Variants in FSTL5 observed in about 807,000 individuals in gnomAD.
The protein encoded by FSTL5 is follistatin-related protein 5.
FSTL5 carries 62 observed loss-of-function variants against 89.1 expected under a neutral mutation model. That is an observed-to-expected ratio of 0.70 (90% confidence interval 0.57 to 0.86). The LOEUF (loss-of-function observed/expected upper bound fraction) is 0.86, where lower values mean the gene tolerates loss of function less well. FSTL5 is among the 40% of genes least tolerant of loss of function. The probability of loss-of-function intolerance (pLI) is 0.00; values close to 1 mark genes in which losing one functional copy is unlikely to be tolerated. For missense variants in FSTL5, 1,057 were observed against 1,001.6 expected, an observed-to-expected ratio of 1.06 and a Z score of -0.75; for synonymous variants, 383 against 346.2, an observed-to-expected ratio of 1.11 and a Z score of -1.18.
chr4:162,116,525 G>C (rs1489872474), intron 1 of FSTL5, among the ~76,000 whole-genome samples: 1 of 152,130 alleles, frequency 6.6e-6, no homozygotes, highest in African/African-American at 2.4e-5. Flanking sequence ...ACTCCCACCC[G>C]CAGGCAGGAA....
intron 3 of FSTL5, among the ~76,000 whole-genome samples, chr4:161,925,914 A>T (rs1300316713): frequency 6.6e-6 from 1 of 151,972 alleles, no homozygotes; most frequent in Non-Finnish European, 1.5e-5. Context: ...GCAAAAAGTA[A>T]AAAAGGAAGA....
At chr4:161,882,333 T>C (rs2126912009) in intron 4 of FSTL5, among the ~76,000 whole-genome samples, 1 of 152,232 alleles carries the variant, frequency 6.6e-6, no homozygotes, top group Non-Finnish European at 1.5e-5. Flanking sequence ...AAATCATTGC[T>C]GACCTACTAC....
chr4:162,082,219 A>G (rs1730128896), intron 2 of FSTL5, among the ~76,000 whole-genome samples: 1 of 150,528 alleles, frequency 6.6e-6, no homozygotes, highest in South Asian at 2.1e-4. Context: ...TTCCACTTTC[A>G]TTTGGTTTGA....
chr4:161,404,520 C>T (rs1460542768), intron 15 of FSTL5, among the ~76,000 whole-genome samples: 1 of 152,116 alleles, frequency 6.6e-6, no homozygotes, highest in Non-Finnish European at 1.5e-5. Context: ...AATGCCTCAA[C>T]ATAGGGCCAA....
intron 4 of FSTL5, among the ~76,000 whole-genome samples, chr4:161,816,999 G>A (rs1730344243): frequency 6.6e-6 from 1 of 152,074 alleles, no homozygotes; most frequent in African/African-American, 2.4e-5. Flanking sequence ...TTTTCATAGA[G>A]TTGAACAAAA....
At chr4:161,762,961 C>T (rs1231759043) in intron 5 of FSTL5, among the ~76,000 whole-genome samples, 1 of 152,010 alleles carries the variant, frequency 6.6e-6, no homozygotes, top group Non-Finnish European at 1.5e-5. Flanking sequence ...TTTTGAACTT[C>T]AATGTAATAG....
intron 11 of FSTL5, among the ~76,000 whole-genome samples, chr4:161,500,510 T>C (rs1730257846): frequency 6.6e-6 from 1 of 152,214 alleles, no homozygotes; most frequent in Non-Finnish European, 1.5e-5. Context: ...TTTGTTTTAC[T>C]ACTTTTATTA....
At chr4:161,898,626 T>C (rs1032450560) in intron 4 of FSTL5, among the ~76,000 whole-genome samples, 1 of 143,724 alleles carries the variant, frequency 7.0e-6, no homozygotes, top group Non-Finnish European at 1.5e-5. Context: ...ATCTGTATTA[T>C]ATTCTTTTTT....
At chr4:161,718,555 A>G (rs1739082457) in intron 6 of FSTL5, among the ~76,000 whole-genome samples, 1 of 152,022 alleles carries the variant, frequency 6.6e-6, no homozygotes, top group Non-Finnish European at 1.5e-5. Flanking sequence ...CAGCCTCCCA[A>G]GTAGCTGTGA....
At chr4:161,432,758 G>C (rs1399199572) in intron 15 of FSTL5, among the ~76,000 whole-genome samples, 1 of 151,802 alleles carries the variant, frequency 6.6e-6, no homozygotes, top group Non-Finnish European at 1.5e-5. Context: ...CATTAGAACT[G>C]ATAGCACAGA....
intron 8 of FSTL5, among the ~76,000 whole-genome samples, chr4:161,567,306 T>C (rs968530567): frequency 1.3e-5 from 2 of 152,140 alleles, no homozygotes; most frequent in Non-Finnish European, 2.9e-5. Flanking sequence ...TTAAAACATA[T>C]GGATTAACAA....
chr4:161,416,686 T>A (rs1340403178), intron 15 of FSTL5, among the ~76,000 whole-genome samples: 3 of 150,972 alleles, frequency 2.0e-5, no homozygotes, highest in African/African-American at 7.4e-5. Context: ...CTACAAAAAA[T>A]AACAAAAAAT....
chr4:161,477,425 A>C (rs1729321828), intron 13 of FSTL5, among the ~76,000 whole-genome samples: 1 of 150,012 alleles, frequency 6.7e-6, no homozygotes, highest in Admixed American at 6.7e-5. Flanking sequence ...TATATAAATT[A>C]TTAATTATTA....
chr4:162,022,122 G>T (rs1217406207), intron 3 of FSTL5, among the ~76,000 whole-genome samples: 1 of 151,362 alleles, frequency 6.6e-6, no homozygotes, highest in Admixed American at 6.6e-5. Context: ...TTACTTAATG[G>T]GTACAATGTA....
intron 2 of FSTL5, among the ~76,000 whole-genome samples, chr4:162,049,392 A>C (rs756617100): frequency 6.6e-6 from 1 of 152,232 alleles, no homozygotes; most frequent in Non-Finnish European, 1.5e-5. Flanking sequence ...CTGACTGATT[A>C]CATATACTTG....
chr4:161,686,332 A>C, intron 6 of FSTL5, among the ~76,000 whole-genome samples: 1 of 8,270 alleles, frequency 1.2e-4, no homozygotes. Flanking sequence ...ATATATATAT[A>C]TATATATATA....
At chr4:161,972,830 A>G (rs1735523670) in intron 3 of FSTL5, among the ~76,000 whole-genome samples, 1 of 152,228 alleles carries the variant, frequency 6.6e-6, no homozygotes, top group Admixed American at 6.5e-5. Context: ...ATAGGGTGCC[A>G]TCACTTTCAC....
rs112752757 is a variant in FSTL5, at chr4:161,509,609, T to G, written c.1339+789A>C. 5.8e-3 allele frequency among the ~76,000 whole-genome samples: 881 copies of G among 152,228 alleles called. 4 individuals carry two copies. Among genetic ancestry groups the G allele is most frequent in the African/African-American group, 0.02 (837 of 41,552 alleles). On this transcript the variant is annotated intron_variant, in intron 11 of 15. Transcript: ENST00000306100. ...CTGGCTTTCACAGGGTACAGTGACT[T>G]GGGTTCCTACAGGAAGCTATAATCA... is the stretch of plus-strand genomic sequence containing the variant.
At chr4:161,694,248 T>A (rs1579027146) in intron 6 of FSTL5, among the ~76,000 whole-genome samples, 1 of 152,138 alleles carries the variant, frequency 6.6e-6, no homozygotes, top group African/African-American at 2.4e-5. Flanking sequence ...AGAAATAATG[T>A]TTTCTGCCCC....
Sources: allele counts gnomAD v4.1 joint callset (sites outside exome capture counted in the v4.1 genomes callset), GRCh38; gene constraint gnomAD v4.1.1; transcripts MANE v1.5; gene names NCBI Gene and HGNC (gene_info 2026-07-23, HGNC 2026-07-21).